DYNC2H1: variants seen among roughly 807,000 people sequenced by gnomAD.
The protein encoded by DYNC2H1 is cytoplasmic dynein 2 heavy chain 1.
Under a neutral mutation model 570.0 loss-of-function variants are expected in DYNC2H1, and 410 were observed. The ratio of observed to expected loss-of-function variants is 0.72; its 90% confidence interval spans 0.66 to 0.78. The LOEUF (loss-of-function observed/expected upper bound fraction) is 0.78. Ranked by LOEUF, DYNC2H1 falls within the 30% of genes least tolerant of loss-of-function variation. The pLI is 0.00. For missense variants in DYNC2H1, 4,865 were observed against 5,046.4 expected, an observed-to-expected ratio of 0.96 and a Z score of 1.09; for synonymous variants, 1,688 against 1,677.6, an observed-to-expected ratio of 1.01 and a Z score of -0.15.
Position 103,243,682 on chromosome 11 carries a change from T to A in DYNC2H1, c.9820-11T>A, listed in dbSNP as rs1263770103. 1 of 1,568,996 alleles carries A rather than the reference T, an allele frequency of 6.4e-7. No individual in the cohort carries two copies. The highest frequency in any genetic ancestry group is 8.7e-7 in the Non-Finnish European group (1 of 1,152,706). On this transcript the variant is annotated splice_polypyrimidine_tract_variant and intron_variant, in intron 63 of 88. Coordinates refer to ENST00000375735, the MANE Select transcript of DYNC2H1 (RefSeq NM_001377.3). The surrounding 1 kb of genome is among the most constrained non-coding windows in gnomAD (Gnocchi z 4.8). The stretch of plus-strand genomic sequence containing the variant: ...ATTAAAAAACATTACTTTTCCTTTT[T>A]TTTATACTAGAGTCGAGTGTGCCCA...
rs1173836415 is a variant in DYNC2H1, at chr11:103,256,647, T to C, written c.10461+407T>C. Among the ~76,000 whole-genome samples the C allele has an allele frequency of 6.6e-6, 1 of 152,204 alleles. No homozygotes were observed. Among genetic ancestry groups the C allele is most frequent in the Non-Finnish European group, 1.5e-5 (1 of 68,030 alleles). ...TAAGCTCTAAGGTACAGTTATTGGC[T>C]CTTTTCATGCTTATAATGAACAGTG... On this transcript the variant is annotated intron_variant, in intron 68 of 88. Coordinates refer to ENST00000375735, the MANE Select transcript of DYNC2H1 (RefSeq NM_001377.3). This position sits in a 1 kb window ranked among gnomAD's most constrained non-coding sequence, Gnocchi z 4.0.
chr11:103,404,923 G>C (rs1942796354), intron 84 of DYNC2H1: 1 of 151,924 alleles, frequency 6.6e-6, no homozygotes, highest in Admixed American at 6.6e-5. Context: ...AATAATTATA[G>C]TAGTGGCAGT....
chr11:103,377,476 ATAT>A (rs1182147032), intron 83 of DYNC2H1, among the ~76,000 whole-genome samples: 1 of 152,088 alleles, frequency 6.6e-6, no homozygotes, highest in Admixed American at 6.5e-5. Flanking sequence ...ATCGTACATA[ATAT>A]TTACTAAAAT....
At chr11:103,159,977 T>C (rs1252639356) in intron 28 of DYNC2H1, among the ~76,000 whole-genome samples, 1 of 152,118 alleles carries the variant, frequency 6.6e-6, no homozygotes, top group Non-Finnish European at 1.5e-5. Flanking sequence ...TCCATTAGAC[T>C]TAAAATATTT....
chr11:103,369,061 G>C lies in DYNC2H1; in HGVS notation c.12156+10702G>C, dbSNP rs1288785476. Among the ~76,000 whole-genome samples the C allele has an allele frequency of 1.3e-5, 2 of 152,104 alleles. No individual in the cohort carries two copies. The highest frequency in any genetic ancestry group is 6.6e-5 in the Admixed American group (1 of 15,258). On this transcript the variant is annotated intron_variant, in intron 83 of 88. Coordinates refer to ENST00000375735, the MANE Select transcript of DYNC2H1 (RefSeq NM_001377.3). This position sits in a 1 kb window ranked among gnomAD's most constrained non-coding sequence, Gnocchi z 4.0. Reference sequence around the variant, plus strand: ...GTTTTAACTTCTTATTGCTGAAAGAGGCATTGAAGAGGTAGGAAAAACAGT... The same window carrying C: ...GTTTTAACTTCTTATTGCTGAAAGACGCATTGAAGAGGTAGGAAAAACAGT...
chr11:103,155,295 A>T (rs1276943922), intron 24 of DYNC2H1, 36 bp from the exon 25 acceptor site: 7 of 1,553,300 alleles, frequency 4.5e-6, no homozygotes, highest in Non-Finnish European at 6.0e-6. Context: ...GTATATGTGT[A>T]TACATATGAC....
At chr11:103,173,053 T>A (rs1861636883) in intron 34 of DYNC2H1, 29 bp from the exon 35 acceptor site, 12 of 1,098,548 alleles carry the variant, frequency 1.1e-5, no homozygotes, top group Admixed American at 4.1e-5. Context: ...ATTTAATATT[T>A]AAATTAATAT....
intron 62 of DYNC2H1, among the ~76,000 whole-genome samples, 155 bp from the exon 63 acceptor site, chr11:103,236,275 T>C (rs1388154269): frequency 1.3e-5 from 2 of 151,994 alleles, no homozygotes; most frequent in African/African-American, 4.8e-5. Context: ...TGTTTTAGAC[T>C]TTTTTCTCCG....
chr11:103,416,316 A>G (rs1437657217), intron 84 of DYNC2H1, among the ~76,000 whole-genome samples: 1 of 152,056 alleles, frequency 6.6e-6, no homozygotes, highest in Non-Finnish European at 1.5e-5. Context: ...AATTAATAAT[A>G]AAAAAGAAAA....
chr11:103,132,236 T>C (rs766576370), intron 13 of DYNC2H1, among the ~76,000 whole-genome samples: 24 of 152,144 alleles, frequency 1.6e-4, no homozygotes, highest in Non-Finnish European at 2.6e-4. Flanking sequence ...TTTTCTCAAA[T>C]GTACTCATTG....
chr11:103,144,306 A>G (rs964951114), intron 18 of DYNC2H1, among the ~76,000 whole-genome samples: 2 of 152,214 alleles, frequency 1.3e-5, no homozygotes, highest in African/African-American at 2.4e-5. Flanking sequence ...AAGTGTTTCC[A>G]TATAAGTAAC....
chr11:103,271,978 C>A (rs996124530), intron 70 of DYNC2H1, among the ~76,000 whole-genome samples: 1 of 152,166 alleles, frequency 6.6e-6, no homozygotes, highest in African/African-American at 2.4e-5. Flanking sequence ...GTTGGTGGGA[C>A]TGTAAACTGG....
rs2135081219 is a variant in DYNC2H1, at chr11:103,199,795, G to A, written c.8089-251G>A. The stretch of plus-strand genomic sequence containing the variant: ...GATGGAATTTACATAGGAAATATAT[G>A]AGTAGAGATAAAAATGATCTACTTG... On this transcript the variant is annotated intron_variant, in intron 49 of 88. Coordinates refer to ENST00000375735, the MANE Select transcript of DYNC2H1 (RefSeq NM_001377.3). The surrounding 1 kb of genome is among the most constrained non-coding windows in gnomAD (Gnocchi z 4.6). 6.6e-6 allele frequency among the ~76,000 whole-genome samples: 1 copy of A among 152,234 alleles called. No homozygotes were observed. The highest frequency in any genetic ancestry group is 1.5e-5 in the Non-Finnish European group (1 of 67,992).
At chr11:103,407,155 G>A (rs1028761897) in intron 84 of DYNC2H1, 3 of 151,662 alleles carry the variant, frequency 2.0e-5, no homozygotes, top group Non-Finnish European at 4.4e-5. Flanking sequence ...GGCCTGTCCA[G>A]ATGAGAAATT....
intron 79 of DYNC2H1, among the ~76,000 whole-genome samples, chr11:103,312,292 A>G (rs1234961011): frequency 6.6e-6 from 1 of 151,324 alleles, no homozygotes; most frequent in Non-Finnish European, 1.5e-5. Flanking sequence ...AGGCAGGAGA[A>G]TCGCTTGAAC....
At chr11:103,426,186 C>T (rs1385869588) in intron 84 of DYNC2H1, among the ~76,000 whole-genome samples, 1 of 152,172 alleles carries the variant, frequency 6.6e-6, no homozygotes, top group African/African-American at 2.4e-5. Context: ...CCTTTGTTTC[C>T]CATAAGGAAT....
intron 83 of DYNC2H1, among the ~76,000 whole-genome samples, chr11:103,388,359 CTGAGACTTTGCTGAAGTTGCTTA>C (rs1941983310): frequency 6.6e-6 from 1 of 152,108 alleles, no homozygotes; most frequent in Admixed American, 6.6e-5. Context: ...ATTTTGTATC[CTGAGACTTTGCTGAAGTTGCTTA>C]TCAGCTTAAG....
At chr11:103,115,985 A>G (rs536300389) in intron 4 of DYNC2H1, among the ~76,000 whole-genome samples, 1 of 152,292 alleles carries the variant, frequency 6.6e-6, no homozygotes, top group Non-Finnish European at 1.5e-5. Context: ...TTATTCCTTT[A>G]TGTGTCTACA....
chr11:103,416,750 C>T (rs1943298214), intron 84 of DYNC2H1, among the ~76,000 whole-genome samples: 2 of 151,848 alleles, frequency 1.3e-5, no homozygotes, highest in African/African-American at 4.8e-5. Context: ...ACTAAAACAC[C>T]AAAAGCAAGG....
Sources: allele counts gnomAD v4.1 joint callset (sites outside exome capture counted in the v4.1 genomes callset), GRCh38; gene constraint gnomAD v4.1.1; non-coding constraint Gnocchi (gnomAD v3.1); transcripts MANE v1.5; gene names NCBI Gene and HGNC (gene_info 2026-07-23, HGNC 2026-07-21).